The following PSMD11 variants were observed in gnomAD, a reference collection of about 807,000 sequenced individuals.
PSMD11 encodes the protein 26S proteasome non-ATPase regulatory subunit 11.
In PSMD11, 5 loss-of-function variants were observed where a neutral mutation model predicts 62.3. That is an observed-to-expected ratio of 0.08 (90% CI 0.04 to 0.17). The LOEUF (loss-of-function observed/expected upper bound fraction) is 0.17. Among genes scored for constraint, PSMD11 ranks in the 10% least tolerant of loss-of-function variants. The pLI is 1.00. For synonymous variants in PSMD11, 191 were observed against 191.8 expected (o/e 1.00, Z 0.03); for missense variants, 310 against 512.9 (o/e 0.60, Z 3.82).
intron 3 of PSMD11, among the ~76,000 whole-genome samples, chr17:32,459,159 T>C (rs1340499792): frequency 5.4e-5 from 8 of 148,042 alleles, no homozygotes; most frequent in Admixed American, 6.7e-5. Flanking sequence ...TTTTTGCTTA[T>C]ATACTCTTAA....
chr17:32,467,184 C>T lies in PSMD11; in HGVS notation c.449-1815C>T, dbSNP rs1360771128. 2.6e-5 allele frequency among the ~76,000 whole-genome samples: 4 copies of T among 151,320 alleles called. No homozygotes were observed. In the East Asian group the frequency reaches 5.8e-4, roughly 22 times the overall value. On this transcript the variant is annotated intron_variant, in intron 5 of 13. Transcript: ENST00000261712. ...GGTCTCGAACTCTTGACTTAGTGAT[C>T]TGCCCGCCTTGGCCTCCCAAAGTTC...
chr17:32,452,295 A>G (rs1204356676), intron 2 of PSMD11, among the ~76,000 whole-genome samples: 1 of 152,224 alleles, frequency 6.6e-6, no homozygotes, highest in Non-Finnish European at 1.5e-5. Context: ...TAAGCAGGGT[A>G]GTTGAACATT....
At chr17:32,445,058 A>G (rs541074899) in intron 1 of PSMD11, 100 of 166,956 alleles carry the variant, frequency 6.0e-4, no homozygotes, top group African/African-American at 2.2e-3. Context: ...TAATCAGCAC[A>G]GCCTGCTCCG....
At chr17:32,444,690 G>C (rs375024554) in intron 1 of PSMD11, 76 bp downstream of exon 1, 1 of 1,560,722 alleles carries the variant, frequency 6.4e-7, no homozygotes, top group African/African-American at 1.4e-5. Flanking sequence ...GCGGAGAGGG[G>C]CCCGGCTAGC....
In PSMD11 at chr17:32,474,759, T is replaced by C; in HGVS notation, c.789-5T>C. The C allele has an allele frequency of 1.2e-6, 2 of 1,614,098 alleles. No individual in the cohort carries two copies. Among genetic ancestry groups the C allele is most frequent in the Non-Finnish European group, 1.7e-6 (2 of 1,179,924 alleles). On this transcript the variant is annotated splice_region_variant and splice_polypyrimidine_tract_variant and intron_variant, in intron 7 of 13. Coordinates refer to ENST00000261712, the MANE Select transcript of PSMD11 (RefSeq NM_002815.4). ...GCAATTGACCAAGTATGTCTTTTTT[T>C]CTAGCCCAGAAGATGTCCAGGCTTT...
intron 3 of PSMD11, among the ~76,000 whole-genome samples, chr17:32,462,884 C>T (rs1907883252): frequency 6.6e-6 from 1 of 152,154 alleles, no homozygotes; most frequent in Non-Finnish European, 1.5e-5. Context: ...GACAGGATTT[C>T]TCCATGTTGG....
intron 9 of PSMD11, among the ~76,000 whole-genome samples, chr17:32,478,229 T>C (rs961244228): frequency 2.0e-5 from 3 of 152,180 alleles, no homozygotes; most frequent in African/African-American, 4.8e-5. Flanking sequence ...ATGATCAACT[T>C]AATAAAAACA....
At chr17:32,448,925 A>G (rs1290034657) in intron 2 of PSMD11, among the ~76,000 whole-genome samples, 2 of 152,176 alleles carry the variant, frequency 1.3e-5, no homozygotes, top group Admixed American at 1.3e-4. Context: ...ATGAATTATC[A>G]TTGGTGGGTG....
intron 3 of PSMD11, among the ~76,000 whole-genome samples, chr17:32,458,510 T>C (rs1308202754): frequency 6.6e-6 from 1 of 152,252 alleles, no homozygotes; most frequent in Non-Finnish European, 1.5e-5. Context: ...TTTAACTCTT[T>C]CAGTGACTCA....
At chr17:32,459,158 A>G (rs886136423) in intron 3 of PSMD11, among the ~76,000 whole-genome samples, 2 of 121,458 alleles carry the variant, frequency 1.6e-5, no homozygotes, top group Non-Finnish European at 3.6e-5. Context: ...TTTTTTGCTT[A>G]TATACTCTTA....
At position 32,480,308 on chromosome 17, in the gene PSMD11, G is replaced by A. The variant is rs988601856; in HGVS notation, c.1126+111G>A. 12 of 1,499,822 alleles carry A rather than the reference G, an allele frequency of 8.0e-6. No individual in the cohort carries two copies. In the African/African-American group the frequency reaches 1.1e-4, roughly 14 times the overall value. 92.9% of individuals were successfully genotyped at this position (1,499,822 alleles called of 1,614,324 possible). A position where few individuals can be genotyped will look rare whatever the true frequency, so the allele number is the denominator to read the frequency against. On this transcript the variant is annotated intron_variant, in intron 12 of 13. Coordinates refer to ENST00000261712, the MANE Select transcript of PSMD11 (RefSeq NM_002815.4). ...GTTTCCCCCGATGGTTCACCCTGGG[G>A]TCCTGGCCCCTCTTCCCTGTGATGA... is the stretch of plus-strand genomic sequence containing the variant.
rs757950214 is a variant in PSMD11, at chr17:32,469,101, C to T, written c.551C>T (p.Pro184Leu). 1.5e-5 allele frequency: 25 copies of T among 1,614,064 alleles called. No individual in the cohort carries two copies. The highest frequency in any genetic ancestry group is 1.7e-5 in the Admixed American group (1 of 60,012). Reference protein sequence around the residue: ...SKTYHALSNLPKARAALTSAR... With the variant: ...SKTYHALSNLLKARAALTSAR... The stretch of plus-strand genomic sequence containing the variant: ...ACATACCATGCCCTGAGCAACCTGC[C>T]GAAAGCCCGAGCTGCCTTAACTTCT... The change falls in exon 6 of 14, where the codon CCG (proline) becomes CTG (leucine). Residue 184 changes from proline (P) to leucine (L), a missense_variant. Coordinates refer to ENST00000261712, the MANE Select transcript of PSMD11 (RefSeq NM_002815.4).
intron 8 of PSMD11, chr17:32,477,134 A>G (rs1179550040): frequency 5.8e-6 from 1 of 171,922 alleles, no homozygotes; most frequent in Non-Finnish European, 1.2e-5. Context: ...TAAAGCACAG[A>G]TATAATAGGG....
chr17:32,462,672 TC>T (rs1285223120), intron 3 of PSMD11, among the ~76,000 whole-genome samples: 3 of 152,196 alleles, frequency 2.0e-5, no homozygotes, highest in Non-Finnish European at 2.9e-5. Context: ...AGTTTTTCCT[TC>T]TTACAGCATT....
chr17:32,462,145 T>G (rs557568254), intron 3 of PSMD11, among the ~76,000 whole-genome samples: 1 of 152,336 alleles, frequency 6.6e-6, no homozygotes, highest in South Asian at 2.1e-4. Flanking sequence ...TCTTTTTTTT[T>G]GGTAGATGAG....
intron 2 of PSMD11, among the ~76,000 whole-genome samples, chr17:32,448,228 G>A (rs1907387301): frequency 6.6e-6 from 1 of 151,976 alleles, no homozygotes; most frequent in South Asian, 2.1e-4. Context: ...ATTAGGCTCA[G>A]TCTATAGAGC....
rs1337701245 is a variant in PSMD11, at chr17:32,477,429, A to G, written c.850-92A>G. ...GGGGCGGGTTCTTCCTTTTGGCAGA[A>G]GTTGTGTGGACACAGCATACTGCTT... On this transcript the variant is annotated intron_variant, in intron 8 of 13. Coordinates refer to ENST00000261712, the MANE Select transcript of PSMD11 (RefSeq NM_002815.4). The G allele has an allele frequency of 2.2e-5, 24 of 1,067,046 alleles. No homozygotes were observed. In the Admixed American group the frequency reaches 6.8e-4, roughly 30 times the overall value. The allele number at this position is 1,067,046 out of a possible 1,614,324, so 66.1% of individuals were successfully genotyped here.
chr17:32,454,784 G>GGTC (rs1282293231), intron 3 of PSMD11, 165 bp downstream of exon 3: 1 of 706,226 alleles, frequency 1.4e-6, no homozygotes, highest in African/African-American at 1.8e-5. Context: ...TGATACTTTG[G>GGTC]GTCTGTTCCA....
chr17:32,479,840 T>G lies in PSMD11; in HGVS notation c.1039-11T>G. The G allele has an allele frequency of 6.2e-7, 1 of 1,613,234 alleles. No homozygotes were observed. The highest frequency in any genetic ancestry group is 8.5e-7 in the Non-Finnish European group (1 of 1,179,154). On this transcript the variant is annotated splice_polypyrimidine_tract_variant and intron_variant, in intron 10 of 13. Transcript: ENST00000261712. ...CTTTCAGTGTTGGTGTCTCTCTGCCTTTCCTTTTAGATTGAACACATATCT... is the reference window on the plus strand; with the variant it reads ...CTTTCAGTGTTGGTGTCTCTCTGCCGTTCCTTTTAGATTGAACACATATCT...
Sources: allele counts gnomAD v4.1 joint callset (sites outside exome capture counted in the v4.1 genomes callset), GRCh38; gene constraint gnomAD v4.1.1; transcripts MANE v1.5; gene names NCBI Gene and HGNC (gene_info 2026-07-23, HGNC 2026-07-21).